Variants in KCNIP1 observed in about 807,000 individuals in gnomAD.
KCNIP1 encodes the protein potassium voltage-gated channel interacting protein 1, also known as A-type potassium channel modulatory protein KCNIP1.
KCNIP1 carries 18 observed loss-of-function variants against 33.0 expected under a neutral mutation model. That is an observed-to-expected ratio of 0.55 (90% confidence interval 0.38 to 0.81). KCNIP1 has a LOEUF of 0.81. Among genes scored for constraint, KCNIP1 ranks in the 30% least tolerant of loss-of-function variants. KCNIP1 has a pLI of 0.00. For missense variants in KCNIP1, 238 were observed against 271.6 expected, an observed-to-expected ratio of 0.88 and a Z score of 0.87; for synonymous variants, 93 against 98.3, an observed-to-expected ratio of 0.95 and a Z score of 0.32.
intron 1 of KCNIP1, among the ~76,000 whole-genome samples, chr5:170,496,650 T>A (rs755780953): frequency 3.3e-5 from 5 of 152,196 alleles, no homozygotes; most frequent in Non-Finnish European, 7.3e-5. Context: ...CACCATTGAC[T>A]CCTGGACATT....
chr5:170,653,543 C>T (rs757875422), intron 1 of KCNIP1, among the ~76,000 whole-genome samples: 1 of 151,990 alleles, frequency 6.6e-6, no homozygotes, highest in Non-Finnish European at 1.5e-5. Flanking sequence ...TAATTTAGTG[C>T]CAAGTAACAG....
chr5:170,436,543 C>T (rs10045718), intron 1 of KCNIP1, among the ~76,000 whole-genome samples: 7,910 of 152,286 alleles, frequency 0.052, 706 homozygotes, highest in African/African-American at 0.18. Context: ...GAGCTGGCTC[C>T]GCCCCTAGAG....
At chr5:170,396,801 C>G (rs1263787833) in intron 1 of KCNIP1, among the ~76,000 whole-genome samples, 2 of 152,126 alleles carry the variant, frequency 1.3e-5, no homozygotes, top group Non-Finnish European at 2.9e-5. Context: ...ATGTCTCTTA[C>G]CAGACCTTAG....
intron 1 of KCNIP1, among the ~76,000 whole-genome samples, chr5:170,610,056 G>A (rs1480201588): frequency 6.6e-6 from 1 of 152,184 alleles, no homozygotes; most frequent in Non-Finnish European, 1.5e-5. Context: ...AACAAGATCT[G>A]TTAGGTAAAT....
Position 170,735,821 on chromosome 5 carries a change from C to A in KCNIP1, c.*15C>A. ...ATGTCATGTAACTGGTGACACTCAG[C>A]CATTCAGCTCTCAGAGACATTGTAC... On this transcript the variant is annotated 3_prime_UTR_variant, in exon 8 of 8. Coordinates refer to ENST00000328939, the MANE Select transcript of KCNIP1 (RefSeq NM_014592.4). The A allele has an allele frequency of 6.2e-7, 1 of 1,610,500 alleles. No homozygotes were observed.
intron 1 of KCNIP1, among the ~76,000 whole-genome samples, chr5:170,508,708 C>G (rs533308764): frequency 2.0e-5 from 3 of 152,318 alleles, no homozygotes; most frequent in Non-Finnish European, 4.4e-5. Flanking sequence ...TCTCCCACCC[C>G]ACCCCTTGCT....
At chr5:170,487,633 C>T (rs1390551358) in intron 1 of KCNIP1, among the ~76,000 whole-genome samples, 18 of 151,806 alleles carry the variant, frequency 1.2e-4, no homozygotes, top group African/African-American at 4.4e-4. Flanking sequence ...GCAATCCTCC[C>T]ACCTCAGCCC....
chr5:170,383,775 C>T (rs1410122807), intron 1 of KCNIP1: 3 of 1,614,076 alleles, frequency 1.9e-6, no homozygotes. Context: ...ACTGGGGCAC[C>T]TTCTTGCCCT....
chr5:170,686,366 G>C (rs1268320937), intron 1 of KCNIP1, among the ~76,000 whole-genome samples: 1 of 151,182 alleles, frequency 6.6e-6, no homozygotes, highest in East Asian at 1.9e-4. Flanking sequence ...GAGGGGGAGG[G>C]AGGAACAGAG....
At position 170,703,748 on chromosome 5, in the gene KCNIP1, G is replaced by A. The variant is rs1481923071; in HGVS notation, c.62-15010G>A. Among the ~76,000 whole-genome samples, 11 of 137,968 alleles carry A rather than the reference G, an allele frequency of 8.0e-5. 3 individuals are homozygous for A. The highest frequency in any genetic ancestry group is 2.9e-4 in the African/African-American group (11 of 37,680). 90.5% of individuals were successfully genotyped at this position (137,968 alleles called of 152,430 possible). ...CCAAATACTTTCCAGATATTCCCTG[G>A]GCCACTGTCTCGGGACTCTTAATAT... On this transcript the variant is annotated intron_variant, in intron 1 of 7. Transcript: ENST00000328939.
intron 5 of KCNIP1, among the ~76,000 whole-genome samples, chr5:170,728,390 A>G (rs908812880): frequency 3.9e-5 from 6 of 152,234 alleles, no homozygotes; most frequent in Non-Finnish European, 7.3e-5. Context: ...AGGAAAAATT[A>G]CAACATTCCT....
chr5:170,733,785 T>C, intron 6 of KCNIP1, 51 bp from the exon 7 acceptor site: 1 of 1,455,576 alleles, frequency 6.9e-7, no homozygotes, highest in South Asian at 1.1e-5. Flanking sequence ...GAGTAAGCTT[T>C]GGAATGGAGA....
At chr5:170,364,935 C>T (rs1190462965) in intron 1 of KCNIP1, among the ~76,000 whole-genome samples, 1 of 152,172 alleles carries the variant, frequency 6.6e-6, no homozygotes, top group South Asian at 2.1e-4. Flanking sequence ...TTCAAGTATA[C>T]AGTGCAGTCT....
chr5:170,446,050 G>C (rs1284145888), intron 1 of KCNIP1, among the ~76,000 whole-genome samples: 1 of 152,172 alleles, frequency 6.6e-6, no homozygotes, highest in Non-Finnish European at 1.5e-5. Flanking sequence ...AAAATGCATG[G>C]AGCAGCTCCT....
chr5:170,707,158 C>CAAA (rs34331045), intron 1 of KCNIP1, among the ~76,000 whole-genome samples: 13 of 125,544 alleles, frequency 1.0e-4, no homozygotes, highest in African/African-American at 2.3e-4. Flanking sequence ...AGTAAATCAT[C>CAAA]AAAAAAAAAA....
At chr5:170,564,456 C>T (rs577115939) in intron 1 of KCNIP1, among the ~76,000 whole-genome samples, 9 of 152,246 alleles carry the variant, frequency 5.9e-5, no homozygotes, top group East Asian at 1.9e-4. Context: ...AGCAGGAGAC[C>T]GAGCTGTTAG....
chr5:170,529,827 A>G (rs1238199189), intron 1 of KCNIP1, among the ~76,000 whole-genome samples: 2 of 152,182 alleles, frequency 1.3e-5, no homozygotes, highest in Non-Finnish European at 2.9e-5. Flanking sequence ...TAAACAGTCT[A>G]ACTTCACAGG....
chr5:170,675,525 G>A (rs879813597), intron 1 of KCNIP1, among the ~76,000 whole-genome samples: 1 of 152,152 alleles, frequency 6.6e-6, no homozygotes. Flanking sequence ...GGAGGCTGAG[G>A]CAGGGGAATC....
At chr5:170,362,462 T>C (rs1763539853) in intron 1 of KCNIP1, among the ~76,000 whole-genome samples, 1 of 152,194 alleles carries the variant, frequency 6.6e-6, no homozygotes, top group Non-Finnish European at 1.5e-5. Flanking sequence ...GGAAGTGCAA[T>C]TGAGGAGAAT....
Sources: gnomAD v4.1 joint callset for allele counts (sites outside exome capture counted in the v4.1 genomes callset) on GRCh38, gnomAD v4.1.1 for gene constraint, MANE v1.5 for transcripts, NCBI Gene and HGNC (gene_info 2026-07-23, HGNC 2026-07-21) for gene names.